COL5A1: variants seen among roughly 807,000 people sequenced by gnomAD.
COL5A1 encodes collagen alpha-1(V) chain.
A neutral mutation model predicts 263.7 loss-of-function variants in COL5A1; 16 were observed. The ratio of observed to expected loss-of-function variants is 0.06; its 90% CI spans 0.04 to 0.09. The LOEUF is 0.09. Among genes scored for constraint, COL5A1 ranks in the 10% least tolerant of loss-of-function variants. The pLI is 1.00. For missense variants in COL5A1, 2,036 were observed against 2,540.5 expected (o/e 0.80, Z 4.27); for synonymous variants, 1,012 against 1,004.5 (o/e 1.01, Z -0.14).
intron 11 of COL5A1, among the ~76,000 whole-genome samples, chr9:134,739,144 C>A (rs1307952955): frequency 6.6e-6 from 1 of 152,244 alleles, no homozygotes; most frequent in Non-Finnish European, 1.5e-5. Context: ...CTCCTCGCCC[C>A]TGGGCAGCCA....
chr9:134,833,703 C>G (rs1162828582), intron 64 of COL5A1, among the ~76,000 whole-genome samples: 1 of 152,224 alleles, frequency 6.6e-6, no homozygotes, highest in Non-Finnish European at 1.5e-5. Flanking sequence ...CACCTCACTA[C>G]AGCTGGCCCG....
intron 14 of COL5A1, among the ~76,000 whole-genome samples, 193 bp downstream of exon 14, chr9:134,752,838 T>TG (rs988305415): frequency 6.6e-6 from 1 of 150,932 alleles, no homozygotes; most frequent in Non-Finnish European, 1.5e-5. Context: ...CCCTTGTTGG[T>TG]GGGGGGTGGG....
rs1839930795 is a variant in COL5A1 at position 134,838,945 on chromosome 9, C to T, written c.5371-3212C>T. Among the ~76,000 whole-genome samples the T allele has an allele frequency of 2.0e-5, 3 of 152,320 alleles. No homozygotes were observed. The South Asian group carries it at 6.2e-4, about 32-fold the overall frequency. On this transcript the variant is annotated intron_variant, in intron 65 of 65. Coordinates refer to ENST00000371817, the MANE Select transcript of COL5A1 (RefSeq NM_000093.5). Reference sequence around the variant, plus strand: ...ACGCTGGCCCGGACTCTCAGGTGCCCTGCTGACCCCAGTCCCTGACAAGCC... The same window carrying T: ...ACGCTGGCCCGGACTCTCAGGTGCCTTGCTGACCCCAGTCCCTGACAAGCC...
intron 11 of COL5A1, among the ~76,000 whole-genome samples, chr9:134,745,150 C>A (rs745375428): frequency 5.9e-5 from 9 of 152,242 alleles, no homozygotes; most frequent in African/African-American, 1.7e-4. Flanking sequence ...TCAGTGGGAA[C>A]TGTGGGTTTC....
At chr9:134,806,113 C>A (rs1838287137) in intron 41 of COL5A1, 76 bp from the exon 42 acceptor site, 2 of 1,079,700 alleles carry the variant, frequency 1.9e-6, no homozygotes, top group South Asian at 1.3e-5. Flanking sequence ...GTGGAGTGAT[C>A]AGCTGGTGCT....
At position 134,682,564 on chromosome 9, in the gene COL5A1, A is replaced by G. The variant is rs992841768; in HGVS notation, c.110-8348A>G. Among the ~76,000 whole-genome samples the G allele has an allele frequency of 6.6e-6, 1 of 152,174 alleles. No homozygotes were observed. Among genetic ancestry groups the G allele is most frequent in the African/African-American group, 2.4e-5 (1 of 41,456 alleles). On this transcript the variant is annotated intron_variant, in intron 1 of 65. Transcript: ENST00000371817. This position sits in a 1 kb window ranked among gnomAD's most constrained non-coding sequence, Gnocchi z 5.1. Reference sequence around the variant, plus strand: ...ACCACACTGCCTGGTGGGGTGGGGGAGAGCCTGCTGCCCAGGAAGGGCGCA... The same window carrying G: ...ACCACACTGCCTGGTGGGGTGGGGGGGAGCCTGCTGCCCAGGAAGGGCGCA...
At position 134,842,678 on chromosome 9, in the gene COL5A1, T is replaced by A; in HGVS notation, c.*375T>A. ...GAGGGACTGCCAGATTTGGACACTA[T>A]ATTTTTTTCTAAATTCAACTTGAAG... is the stretch of plus-strand genomic sequence containing the variant. On this transcript the variant is annotated 3_prime_UTR_variant, in exon 66 of 66. Transcript: ENST00000371817. The surrounding 1 kb of genome is among the most constrained non-coding windows in gnomAD (Gnocchi z 5.8). 3.2e-6 allele frequency: 1 copy of A among 315,376 alleles called. No homozygotes were observed. Among genetic ancestry groups the A allele is most frequent in the Non-Finnish European group, 6.0e-6 (1 of 167,444 alleles). 19.5% of individuals were successfully genotyped at this position (315,376 alleles called of 1,614,324 possible).
At position 134,709,356 on chromosome 9, in the gene COL5A1, G is replaced by A. The variant is rs539935031; in HGVS notation, c.654+8023G>A. On this transcript the variant is annotated intron_variant, in intron 4 of 65. Coordinates refer to ENST00000371817, the MANE Select transcript of COL5A1 (RefSeq NM_000093.5). ...GCTAGCAGGCGGTTGGCCAAGCCCC[G>A]TGGGCATCTCCCTGGTGCAGTAGGC... 32 of 295,588 alleles carry A rather than the reference G, an allele frequency of 1.1e-4. No individual in the cohort carries two copies. The Middle Eastern group carries it at 6.0e-3, about 55-fold the overall frequency. 18.3% of individuals were successfully genotyped at this position (295,588 alleles called of 1,614,324 possible).
rs548894217 is a variant in COL5A1, at chr9:134,828,492, GCCACACA to G, written c.5068-1476_5068-1470del. 8.6e-4 allele frequency among the ~76,000 whole-genome samples: 129 copies of G among 149,220 alleles called. 1 individual carries two copies. The highest frequency in any genetic ancestry group is 1.5e-3 in the Non-Finnish European group (100 of 67,280). On this transcript the variant is annotated intron_variant, in intron 63 of 65. Coordinates refer to ENST00000371817, the MANE Select transcript of COL5A1 (RefSeq NM_000093.5). ...CTACACACCACACGCACAGATACAG[GCCACACA>G]CCACACATACCACACAGATACACGA...
At position 134,712,086 on chromosome 9, in the gene COL5A1, C is replaced by G. The variant is rs543014843; in HGVS notation, c.654+10753C>G. On this transcript the variant is annotated intron_variant, in intron 4 of 65. Coordinates refer to ENST00000371817, the MANE Select transcript of COL5A1 (RefSeq NM_000093.5). ...CTCCTTCCTGTACCCCTCCTTCCTG[C>G]CTTCCTTCTTCCTATCCCCCTTCCT... 6.7e-4 allele frequency among the ~76,000 whole-genome samples: 74 copies of G among 111,192 alleles called. 1 individual carries two copies. Among genetic ancestry groups the G allele is most frequent in the Admixed American group, 1.1e-3 (11 of 10,348 alleles). 72.9% of individuals were successfully genotyped at this position (111,192 alleles called of 152,430 possible).
intron 2 of COL5A1, among the ~76,000 whole-genome samples, chr9:134,693,163 C>A (rs1275498787): frequency 6.6e-6 from 1 of 151,938 alleles, no homozygotes; most frequent in African/African-American, 2.4e-5. Context: ...GGGACCCCAT[C>A]CCTGAGCAGG....
chr9:134,664,772 A>AG (rs1463946007), intron 1 of COL5A1, among the ~76,000 whole-genome samples: 3 of 152,224 alleles, frequency 2.0e-5, no homozygotes, highest in Non-Finnish European at 4.4e-5. Context: ...ATTAAAACAC[A>AG]TGTACTTGGC....
intron 4 of COL5A1, chr9:134,708,590 A>C (rs1367817254): frequency 1.9e-6 from 1 of 518,782 alleles, no homozygotes; most frequent in Non-Finnish European, 3.8e-6. Flanking sequence ...CCCAGACCCC[A>C]CCCTGGCAGT....
intron 28 of COL5A1, among the ~76,000 whole-genome samples, chr9:134,780,689 A>G (rs568983044): frequency 6.6e-6 from 1 of 152,306 alleles, no homozygotes; most frequent in African/African-American, 2.4e-5. Context: ...ACAAAGCTAA[A>G]CTACACCCCC....
intron 65 of COL5A1, among the ~76,000 whole-genome samples, chr9:134,835,941 A>G (rs899446625): frequency 2.0e-5 from 3 of 152,200 alleles, no homozygotes; most frequent in African/African-American, 7.2e-5. Flanking sequence ...CCAAGAGCCC[A>G]GGCCTGCGGG....
chr9:134,733,791 C>T (rs896607935), intron 9 of COL5A1, among the ~76,000 whole-genome samples: 7 of 152,230 alleles, frequency 4.6e-5, no homozygotes, highest in African/African-American at 1.7e-4. Context: ...CATCCAAGGT[C>T]CCAGCCCCAA....
chr9:134,757,105 G>C lies in COL5A1; in HGVS notation c.1881+287G>C, dbSNP rs116268806. Among the ~76,000 whole-genome samples the C allele has an allele frequency of 1.3e-5, 2 of 152,152 alleles. No homozygotes were observed. Among genetic ancestry groups the C allele is most frequent in the African/African-American group, 2.4e-5 (1 of 41,420 alleles). On this transcript the variant is annotated intron_variant, in intron 17 of 65. Transcript: ENST00000371817. This position sits in a 1 kb window ranked among gnomAD's most constrained non-coding sequence, Gnocchi z 6.2. ...AACCATCCGTGGCCGTGCAGGTGAC[G>C]AGGCGCATGTAGGGCAGAGGCGGGG...
chr9:134,756,291 G>A (rs891435092), intron 16 of COL5A1, among the ~76,000 whole-genome samples: 5 of 152,200 alleles, frequency 3.3e-5, no homozygotes, highest in Non-Finnish European at 7.3e-5. Context: ...TGGGGCCTGG[G>A]CCTCTTCCTT....
chr9:134,762,092 G>T, intron 19 of COL5A1, 114 bp downstream of exon 19: 1 of 1,044,220 alleles, frequency 9.6e-7, no homozygotes, highest in East Asian at 2.5e-5. Flanking sequence ...CGCATGTGGA[G>T]GGCCAGCTGG....
Sources: gnomAD v4.1 joint callset for allele counts (sites outside exome capture counted in the v4.1 genomes callset) on GRCh38, gnomAD v4.1.1 for gene constraint, Gnocchi (gnomAD v3.1) non-coding constraint, MANE v1.5 for transcripts, NCBI Gene and HGNC (gene_info 2026-07-23, HGNC 2026-07-21) for gene names.